Variants in UST observed in about 807,000 individuals in gnomAD.
UST encodes chondroitin sulfate 2-O-sulfotransferase.
A neutral mutation model predicts 45.6 loss-of-function variants in UST; 21 were observed. The ratio of observed to expected loss-of-function variants is 0.46; its 90% CI spans 0.33 to 0.66. UST has a LOEUF of 0.66. Ranked by LOEUF, UST falls within the 30% of genes least tolerant of loss-of-function variation. The pLI, the probability that UST is intolerant of heterozygous loss-of-function variation, is 0.02. For synonymous variants in UST, 215 were observed against 200.6 expected, an observed-to-expected ratio of 1.07 and a Z score of -0.61; for missense variants, 463 against 512.4, an observed-to-expected ratio of 0.90 and a Z score of 0.93.
chr6:149,000,029 G>T (rs987456019), intron 5 of UST, among the ~76,000 whole-genome samples: 3 of 152,198 alleles, frequency 2.0e-5, no homozygotes, highest in African/African-American at 7.2e-5. Context: ...GGCCAGCTGG[G>T]CTCTGGTCCA....
intron 1 of UST, among the ~76,000 whole-genome samples, chr6:148,830,160 T>C (rs966143235): frequency 3.3e-5 from 5 of 152,320 alleles, no homozygotes; most frequent in Admixed American, 1.3e-4. Flanking sequence ...AGTGACTTAC[T>C]GAATTGCTCA....
intron 3 of UST, among the ~76,000 whole-genome samples, chr6:148,941,993 C>T (rs1389251183): frequency 6.6e-6 from 1 of 152,078 alleles, no homozygotes; most frequent in Non-Finnish European, 1.5e-5. Flanking sequence ...TACAAGTGGA[C>T]GTGCTGATGG....
chr6:148,931,442 T>C (rs560162866), intron 2 of UST, among the ~76,000 whole-genome samples: 1 of 152,306 alleles, frequency 6.6e-6, no homozygotes, highest in East Asian at 1.9e-4. Flanking sequence ...AGTGTGTGGG[T>C]CTAGTGGAGA....
intron 4 of UST, among the ~76,000 whole-genome samples, chr6:148,954,373 C>T (rs1326271604): frequency 6.6e-6 from 1 of 152,240 alleles, no homozygotes; most frequent in Non-Finnish European, 1.5e-5. Flanking sequence ...GTACCAGCCT[C>T]TGTCTGTCTT....
At chr6:148,826,855 A>G (rs1228096249) in intron 1 of UST, among the ~76,000 whole-genome samples, 1 of 152,174 alleles carries the variant, frequency 6.6e-6, no homozygotes. Flanking sequence ...CAACAAAGTC[A>G]GGTTCAGTGC....
At chr6:148,892,163 T>C (rs1173973100) in intron 2 of UST, among the ~76,000 whole-genome samples, 1 of 152,254 alleles carries the variant, frequency 6.6e-6, no homozygotes, top group Non-Finnish European at 1.5e-5. Flanking sequence ...CATGTCATCA[T>C]CTGAAGAGTC....
chr6:148,810,054 C>G (rs1401531466), intron 1 of UST, among the ~76,000 whole-genome samples: 1 of 152,142 alleles, frequency 6.6e-6, no homozygotes, highest in East Asian at 1.9e-4. Flanking sequence ...TTTTAAAATG[C>G]ATTGCCAAAG....
At chr6:149,070,662 G>A (rs1032253953) in intron 7 of UST, among the ~76,000 whole-genome samples, 4 of 152,066 alleles carry the variant, frequency 2.6e-5, no homozygotes, top group African/African-American at 9.7e-5. Flanking sequence ...TTTGATACAG[G>A]CATGCAATGC....
intron 2 of UST, among the ~76,000 whole-genome samples, chr6:148,887,748 T>C (rs771780508): frequency 6.6e-5 from 10 of 152,190 alleles, no homozygotes; most frequent in Middle Eastern, 3.2e-3. Flanking sequence ...TAGGAAATGA[T>C]GGGGATTGTT....
chr6:148,981,877 G>A (rs191771683), intron 5 of UST, among the ~76,000 whole-genome samples: 2 of 152,248 alleles, frequency 1.3e-5, no homozygotes, highest in African/African-American at 2.4e-5. Flanking sequence ...TGTTTGTGCT[G>A]CTGTAACAAA....
At chr6:148,792,969 A>G (rs1213945833) in intron 1 of UST, among the ~76,000 whole-genome samples, 1 of 152,230 alleles carries the variant, frequency 6.6e-6, no homozygotes, top group Non-Finnish European at 1.5e-5. Flanking sequence ...GATTGCAATA[A>G]TGATTAATTA....
At chr6:148,937,006 ATCTATAGT>A (rs1347820201) in intron 2 of UST, among the ~76,000 whole-genome samples, 1 of 152,146 alleles carries the variant, frequency 6.6e-6, no homozygotes, top group African/African-American at 2.4e-5. Flanking sequence ...TCAGAAACAA[ATCTATAGT>A]TCTACCAGGA....
At chr6:148,868,726 C>T (rs975027498) in intron 1 of UST, among the ~76,000 whole-genome samples, 1 of 152,042 alleles carries the variant, frequency 6.6e-6, no homozygotes, top group African/African-American at 2.4e-5. Context: ...CAGGTATAAC[C>T]CCCCCATCAT....
At chr6:148,959,328 A>G (rs1301039962) in intron 4 of UST, among the ~76,000 whole-genome samples, 1 of 152,240 alleles carries the variant, frequency 6.6e-6, no homozygotes, top group Non-Finnish European at 1.5e-5. Flanking sequence ...CAAGTGACCA[A>G]TTCAATTCTG....
intron 7 of UST, among the ~76,000 whole-genome samples, chr6:149,042,162 A>G (rs1365036035): frequency 6.6e-6 from 1 of 152,258 alleles, no homozygotes; most frequent in Non-Finnish European, 1.5e-5. Flanking sequence ...AGATGAGGAA[A>G]CTGAAGTTTG....
intron 1 of UST, among the ~76,000 whole-genome samples, chr6:148,879,429 T>C (rs1778782704): frequency 6.6e-6 from 1 of 152,256 alleles, no homozygotes. Flanking sequence ...TACATGAATT[T>C]GTGTTTTGCA....
chr6:149,048,650 A>G (rs1163264261), intron 7 of UST, among the ~76,000 whole-genome samples: 2 of 152,216 alleles, frequency 1.3e-5, no homozygotes, highest in African/African-American at 4.8e-5. Flanking sequence ...ATGATATCAT[A>G]TGATTATATT....
intron 5 of UST, among the ~76,000 whole-genome samples, chr6:149,009,157 G>A (rs1378206191): frequency 6.6e-6 from 1 of 152,186 alleles, no homozygotes; most frequent in Non-Finnish European, 1.5e-5. Flanking sequence ...GATGCTGTAA[G>A]AAGAAAATCA....
intron 1 of UST, among the ~76,000 whole-genome samples, chr6:148,755,746 AT>A (rs1293658968): frequency 9.9e-5 from 15 of 152,092 alleles, no homozygotes; most frequent in Admixed American, 9.2e-4. Flanking sequence ...ATTTTGTTAA[AT>A]ATTTTAGATC....
Sources: allele counts gnomAD v4.1 joint callset (sites outside exome capture counted in the v4.1 genomes callset), GRCh38; gene constraint gnomAD v4.1.1; transcripts MANE v1.5; gene names NCBI Gene and HGNC (gene_info 2026-07-23, HGNC 2026-07-21).